Variants in RICTOR observed in about 807,000 individuals in gnomAD.
RICTOR encodes rapamycin-insensitive companion of mTOR.
Under a neutral mutation model 214.9 loss-of-function variants are expected in RICTOR, and 49 were observed. The observed-to-expected ratio is 0.23, with a 90% CI of 0.18 to 0.29. RICTOR has a LOEUF of 0.29. Ranked by LOEUF, RICTOR falls within the 10% of genes least tolerant of loss-of-function variation. The pLI, the probability that RICTOR is intolerant of heterozygous loss-of-function variation, is 1.00. For synonymous variants in RICTOR, 717 were observed against 711.3 expected (o/e 1.01, Z -0.13); for missense variants, 1,625 against 2,047.0 (o/e 0.79, Z 3.98).
chr5:38,982,146 C>A (rs956289972), intron 7 of RICTOR, 110 bp from the exon 8 acceptor site: 1 of 706,892 alleles, frequency 1.4e-6, no homozygotes, highest in African/African-American at 1.8e-5. Context: ...TTTCTAATAC[C>A]AACATTTATA....
In RICTOR at chr5:38,947,387, A is replaced by G; in HGVS notation, c.4191T>C (p.Pro1397=). The change falls in exon 32 of 38, where the codon CCT becomes CCC. Residue 1397 remains proline (P), a synonymous_variant. Transcript: ENST00000357387. ...ASLDKEDLLS[P]INQNTLQRSS... ...ATCGTTGCAGGGTATTTTGATTAAT[A>G]GGACTCAATAAATCTTCTTTATCTA... 6.2e-7 allele frequency: 1 copy of G among 1,611,890 alleles called. No individual in the cohort carries two copies.
chr5:39,041,861 A>T (rs1050271214), intron 2 of RICTOR, among the ~76,000 whole-genome samples: 43 of 151,236 alleles, frequency 2.8e-4, no homozygotes, highest in African/African-American at 1.0e-3. Context: ...GGATCCCTAC[A>T]GCCTGGGAGT....
intron 3 of RICTOR, among the ~76,000 whole-genome samples, chr5:39,019,008 T>C (rs922194453): frequency 6.6e-6 from 1 of 152,120 alleles, no homozygotes; most frequent in Non-Finnish European, 1.5e-5. Context: ...GTTTTAGTGG[T>C]CCAGATAGAA....
intron 3 of RICTOR, among the ~76,000 whole-genome samples, chr5:39,010,183 C>T (rs747965199): frequency 1.3e-5 from 2 of 152,096 alleles, no homozygotes; most frequent in African/African-American, 2.4e-5. Context: ...TGAGTTCTCA[C>T]GAGATCTGAT....
Position 38,966,645 on chromosome 5 carries a change from T to A in RICTOR, c.1295A>T (p.His432Leu), listed in dbSNP as rs1260035586. Residue 432 changes from histidine to leucine, a missense_variant, in exon 15 of 38, where the codon CAT becomes CTT. Around this residue, in one of 5 missense-constraint regions of RICTOR, gnomAD observed 1,214 missense variants for 1,470.5 expected, o/e 0.83. Coordinates refer to ENST00000357387, the MANE Select transcript of RICTOR (RefSeq NM_152756.5). ...RATILLGELL[H>L]MANTILPHSH... ...ATCAGAAGTTGCTAAACTTACCATA[T>A]GTAAAAGCTCTCCTAAAAGGATGGT... 2.6e-6 allele frequency: 4 copies of A among 1,518,786 alleles called. No individual in the cohort carries two copies. Among genetic ancestry groups the A allele is most frequent in the Non-Finnish European group, 3.6e-6 (4 of 1,099,138 alleles). 94.1% of individuals were successfully genotyped at this position (1,518,786 alleles called of 1,614,324 possible). A position where few individuals can be genotyped will look rare whatever the true frequency, so the allele number is the denominator to read the frequency against.
At chr5:39,028,891 C>T (rs899517620) in intron 2 of RICTOR, among the ~76,000 whole-genome samples, 7 of 152,052 alleles carry the variant, frequency 4.6e-5, no homozygotes, top group Admixed American at 3.9e-4. Context: ...GAGCAAGACC[C>T]AGTCTCTTAA....
intron 29 of RICTOR, 51 bp from the exon 30 acceptor site, chr5:38,952,476 C>G (rs774553252): frequency 7.4e-6 from 9 of 1,217,842 alleles, no homozygotes; most frequent in Non-Finnish European, 1.1e-5. Context: ...GCTGAGATTT[C>G]TTAAAGCCAC....
intron 2 of RICTOR, among the ~76,000 whole-genome samples, chr5:39,051,596 A>G (rs1397194804): frequency 6.6e-6 from 1 of 152,140 alleles, no homozygotes; most frequent in Non-Finnish European, 1.5e-5. Flanking sequence ...AAAAATAAAA[A>G]TAAAAAAATT....
intron 2 of RICTOR, among the ~76,000 whole-genome samples, chr5:39,040,259 C>T (rs77526980): frequency 0.44 from 63,595 of 143,830 alleles, 13,812 homozygotes; most frequent in East Asian, 0.61. Flanking sequence ...TAGGTGGGAA[C>T]TGAACAATGA....
intron 2 of RICTOR, among the ~76,000 whole-genome samples, chr5:39,049,183 C>A (rs1254424635): frequency 4.6e-5 from 7 of 152,028 alleles, no homozygotes; most frequent in African/African-American, 1.7e-4. Context: ...ACTCATCCAA[C>A]CAACCAGATA....
chr5:38,997,164 CAT>C (rs528149796), intron 5 of RICTOR, among the ~76,000 whole-genome samples: 2 of 151,934 alleles, frequency 1.3e-5, no homozygotes, highest in Non-Finnish European at 2.9e-5. Flanking sequence ...GAATAATAAA[CAT>C]AAAGTGTAAA....
chr5:38,950,562 T>C lies in RICTOR; in HGVS notation c.3286A>G (p.Asn1096Asp). 1.9e-6 allele frequency: 3 copies of C among 1,613,386 alleles called. No individual in the cohort carries two copies. The East Asian group carries it at 6.7e-5, about 36-fold the overall frequency. Residue 1096 changes from asparagine (N) to aspartate (D), a missense_variant, in exon 31 of 38, where the codon AAT becomes GAT. Transcript: ENST00000357387. Reference protein sequence around the residue: ...PFFASSKLVKNRILNSLTLPN... With the variant: ...PFFASSKLVKDRILNSLTLPN... Reference sequence around the variant, plus strand: ...AAAGTAAGCGAATTTAAGATACGATTCTTCACAAGTTTACTAGAAGCAAAG... The same window carrying C: ...AAAGTAAGCGAATTTAAGATACGATCCTTCACAAGTTTACTAGAAGCAAAG...
At chr5:39,070,835 G>A (rs1489644143) in intron 2 of RICTOR, among the ~76,000 whole-genome samples, 1 of 152,152 alleles carries the variant, frequency 6.6e-6, no homozygotes, top group Non-Finnish European at 1.5e-5. Flanking sequence ...GCGAGAGGAA[G>A]CATTTGGGCT....
chr5:39,069,622 C>A (rs1049235407), intron 2 of RICTOR, among the ~76,000 whole-genome samples: 1 of 152,150 alleles, frequency 6.6e-6, no homozygotes, highest in Non-Finnish European at 1.5e-5. Flanking sequence ...AGTGGGGGGA[C>A]TACAAAATCA....
intron 2 of RICTOR, among the ~76,000 whole-genome samples, chr5:39,042,052 C>G (rs1757213217): frequency 6.6e-6 from 1 of 151,468 alleles, no homozygotes; most frequent in Non-Finnish European, 1.5e-5. Context: ...AGTAGATTAC[C>G]ATAGAAATAC....
intron 3 of RICTOR, among the ~76,000 whole-genome samples, chr5:39,010,476 T>A (rs1036096925): frequency 6.6e-6 from 1 of 152,212 alleles, no homozygotes; most frequent in South Asian, 2.1e-4. Context: ...ACTTTGGAAC[T>A]GGGTAACAGG....
At chr5:38,984,906 G>A (rs1210707583) in intron 7 of RICTOR, among the ~76,000 whole-genome samples, 2 of 151,908 alleles carry the variant, frequency 1.3e-5, no homozygotes, top group Admixed American at 6.6e-5. Flanking sequence ...TGCAACCTCC[G>A]CCTCCCGGGT....
At chr5:38,986,337 T>A (rs1036911712) in intron 7 of RICTOR, among the ~76,000 whole-genome samples, 1 of 152,142 alleles carries the variant, frequency 6.6e-6, no homozygotes, top group Non-Finnish European at 1.5e-5. Flanking sequence ...TCAAATAACC[T>A]TTTTTCTTCA....
At chr5:38,991,187 G>GTA in intron 6 of RICTOR, 112 bp from the exon 7 acceptor site, 1 of 542,274 alleles carries the variant, frequency 1.8e-6, no homozygotes, top group Non-Finnish European at 3.1e-6. Context: ...TAAGATCTAG[G>GTA]TATCAATTTT....
Sources: gnomAD v4.1 joint callset for allele counts (sites outside exome capture counted in the v4.1 genomes callset) on GRCh38, gnomAD v4.1.1 for gene constraint, gnomAD v4.1.1 regional missense constraint, MANE v1.5 for transcripts, NCBI Gene and HGNC (gene_info 2026-07-23, HGNC 2026-07-21) for gene names.